The following PCDH15 variants were observed in gnomAD, a reference collection of about 807,000 sequenced individuals.
PCDH15 encodes protocadherin-15.
In PCDH15, 129 loss-of-function variants were observed where a neutral mutation model predicts 178.5. That is an observed-to-expected ratio of 0.72 (90% CI 0.63 to 0.84). PCDH15 has a LOEUF of 0.84. Among genes scored for constraint, PCDH15 ranks in the 40% least tolerant of loss-of-function variants. The pLI is 0.00. For missense variants in PCDH15, 2,230 were observed against 2,099.9 expected (o/e 1.06, Z -1.21); for synonymous variants, 800 against 732.0 (o/e 1.09, Z -1.50).
At chr10:54,529,793 C>T (rs2083723030) in intron 2 of PCDH15, among the ~76,000 whole-genome samples, 1 of 151,956 alleles carries the variant, frequency 6.6e-6, no homozygotes, top group Non-Finnish European at 1.5e-5. Context: ...TTCAACATTT[C>T]TTTATTTATT....
At chr10:55,307,865 A>G (rs1843472430) in intron 1 of PCDH15, among the ~76,000 whole-genome samples, 1 of 152,104 alleles carries the variant, frequency 6.6e-6, no homozygotes. Flanking sequence ...TAATTACAGA[A>G]AAAATAACAT....
chr10:53,905,300 T>A (rs1239175389), intron 25 of PCDH15: 2 of 498,610 alleles, frequency 4.0e-6, no homozygotes, highest in Non-Finnish European at 8.0e-6. Context: ...TTAAATCAAA[T>A]GTTAAACCAA....
intron 1 of PCDH15, among the ~76,000 whole-genome samples, chr10:54,753,954 C>T (rs1591457723): frequency 2.2e-5 from 3 of 136,850 alleles, no homozygotes; most frequent in East Asian, 2.4e-4. Flanking sequence ...AGTGCAGTGG[C>T]GCCGCCACCA....
intron 2 of PCDH15, among the ~76,000 whole-genome samples, chr10:54,618,676 G>A (rs1027183906): frequency 7.2e-5 from 11 of 152,082 alleles, no homozygotes; most frequent in East Asian, 1.9e-4. Flanking sequence ...GTATATATGC[G>A]TGTGTGGCTA....
intron 1 of PCDH15, among the ~76,000 whole-genome samples, chr10:55,303,738 TAG>T (rs1386309971): frequency 1.3e-5 from 2 of 152,162 alleles, no homozygotes; most frequent in Non-Finnish European, 2.9e-5. Flanking sequence ...TTGATATCTA[TAG>T]AGTCTTTAGT....
intron 8 of PCDH15, among the ~76,000 whole-genome samples, chr10:54,294,697 G>A (rs1179859350): frequency 1.1e-5 from 1 of 93,678 alleles, no homozygotes; most frequent in Non-Finnish European, 2.4e-5. Context: ...ACACACACAT[G>A]AGTCAATCTG....
intron 2 of PCDH15, among the ~76,000 whole-genome samples, chr10:55,360,222 T>C (rs544263352): frequency 6.6e-6 from 1 of 152,120 alleles, no homozygotes; most frequent in Admixed American, 6.6e-5. Context: ...ACACCATAAA[T>C]ATATATAATT....
At chr10:55,546,699 G>C (rs890137659) in intron 2 of PCDH15, among the ~76,000 whole-genome samples, 1 of 152,126 alleles carries the variant, frequency 6.6e-6, no homozygotes, top group Non-Finnish European at 1.5e-5. Flanking sequence ...GGGAGACATA[G>C]TTTTATCTGC....
At chr10:54,266,150 C>CAT (rs1450069034) in intron 8 of PCDH15, among the ~76,000 whole-genome samples, 9 of 151,530 alleles carry the variant, frequency 5.9e-5, no homozygotes, top group African/African-American at 2.2e-4. Context: ...GACACAAACA[C>CAT]ACACACACAC....
chr10:53,968,891 A>C (rs540680383), intron 21 of PCDH15, among the ~76,000 whole-genome samples: 1 of 152,298 alleles, frequency 6.6e-6, no homozygotes, highest in South Asian at 2.1e-4. Context: ...AAAACCACAA[A>C]GATGGGGAGA....
chr10:53,921,254 C>A lies in PCDH15; in HGVS notation c.3373+17561G>T, dbSNP rs528689711. 2.0e-5 allele frequency among the ~76,000 whole-genome samples: 3 copies of A among 152,202 alleles called. No homozygotes were observed. The East Asian group carries it at 5.8e-4, about 29-fold the overall frequency. On this transcript the variant is annotated intron_variant, in intron 25 of 37. Coordinates refer to ENST00000644397, the MANE Select transcript of PCDH15 (RefSeq NM_001384140.1). ...GCTACTTACATTTTTGAGCACTAGTCACAGTATAAATGGAAATTAAAATTC... is the reference window on the plus strand; with the variant it reads ...GCTACTTACATTTTTGAGCACTAGTAACAGTATAAATGGAAATTAAAATTC...
At chr10:54,122,374 A>G (rs974526901) in intron 15 of PCDH15, among the ~76,000 whole-genome samples, 4 of 152,064 alleles carry the variant, frequency 2.6e-5, no homozygotes, top group Admixed American at 2.0e-4. Context: ...ATCTCAAAAT[A>G]ATAAAAGCTA....
chr10:53,808,996 T>G, intron 37 of PCDH15: 2 of 1,568,904 alleles, frequency 1.3e-6, no homozygotes, highest in African/African-American at 1.4e-5. Context: ...AGGTTCTTTT[T>G]GTTCTTCTTG....
intron 1 of PCDH15, among the ~76,000 whole-genome samples, chr10:55,247,386 T>G (rs2132219126): frequency 6.6e-6 from 1 of 152,320 alleles, no homozygotes; most frequent in Middle Eastern, 3.4e-3. Flanking sequence ...GCCATGTTTA[T>G]TTCCAATTTT....
chr10:55,523,558 G>C (rs1400584508), intron 2 of PCDH15, among the ~76,000 whole-genome samples: 1 of 151,456 alleles, frequency 6.6e-6, no homozygotes, highest in Admixed American at 6.6e-5. Flanking sequence ...ATGCATTATA[G>C]ACATTTCACA....
chr10:55,072,907 A>G (rs560185653), intron 2 of PCDH15, among the ~76,000 whole-genome samples: 1 of 150,544 alleles, frequency 6.6e-6, no homozygotes, highest in South Asian at 2.1e-4. Context: ...ACCATGATCA[A>G]GTGGGCTTCA....
chr10:54,979,547 T>C (rs1839166347), intron 2 of PCDH15, among the ~76,000 whole-genome samples: 2 of 151,806 alleles, frequency 1.3e-5, no homozygotes, highest in African/African-American at 2.4e-5. Flanking sequence ...TACGTGCCTG[T>C]AGTCCCAACT....
intron 21 of PCDH15, among the ~76,000 whole-genome samples, chr10:53,993,286 A>C (rs2091643550): frequency 6.6e-6 from 1 of 152,224 alleles, no homozygotes; most frequent in Non-Finnish European, 1.5e-5. Context: ...CCTGAAGAAT[A>C]CAGAATAAAC....
At chr10:53,863,236 T>G (rs1468372261) in intron 27 of PCDH15, among the ~76,000 whole-genome samples, 1 of 152,114 alleles carries the variant, frequency 6.6e-6, no homozygotes, top group Non-Finnish European at 1.5e-5. Flanking sequence ...AGTCAGTGAG[T>G]GCAGATAGAA....
Sources: allele counts gnomAD v4.1 joint callset (sites outside exome capture counted in the v4.1 genomes callset), GRCh38; gene constraint gnomAD v4.1.1; transcripts MANE v1.5; gene names NCBI Gene and HGNC (gene_info 2026-07-23, HGNC 2026-07-21).